Variants in TMEM132D observed in about 807,000 individuals in gnomAD.
TMEM132D encodes the protein mature OL transmembrane protein.
In TMEM132D, 21 loss-of-function variants were observed where a neutral mutation model predicts 62.3. That is an observed-to-expected ratio of 0.34 (90% CI 0.24 to 0.49). TMEM132D has a LOEUF of 0.49. Among genes scored for constraint, TMEM132D ranks in the 20% least tolerant of loss-of-function variants. The pLI is 0.99. For missense variants in TMEM132D, 1,346 were observed against 1,402.8 expected, an observed-to-expected ratio of 0.96 and a Z score of 0.65; for synonymous variants, 621 against 575.6, an observed-to-expected ratio of 1.08 and a Z score of -1.13.
intron 5 of TMEM132D, among the ~76,000 whole-genome samples, chr12:129,177,023 G>T (rs1877926278): frequency 6.6e-6 from 1 of 152,220 alleles, no homozygotes; most frequent in African/African-American, 2.4e-5. Flanking sequence ...TTGGTTTGGT[G>T]CATGGCTTGA....
At chr12:129,183,835 G>A (rs1365585868) in intron 5 of TMEM132D, among the ~76,000 whole-genome samples, 3 of 146,074 alleles carry the variant, frequency 2.1e-5, no homozygotes, top group Non-Finnish European at 4.4e-5. Context: ...TTGGAGCTGG[G>A]TGGTGGCTGT....
intron 3 of TMEM132D, among the ~76,000 whole-genome samples, chr12:129,519,111 C>T (rs114821116): frequency 0.011 from 1,623 of 152,150 alleles, 31 homozygotes; most frequent in African/African-American, 0.038. Flanking sequence ...TTAAGAAATC[C>T]GAGCTCCTTT....
At chr12:129,488,177 T>A (rs1344700206) in intron 3 of TMEM132D, among the ~76,000 whole-genome samples, 2 of 152,040 alleles carry the variant, frequency 1.3e-5, no homozygotes, top group Admixed American at 1.3e-4. Flanking sequence ...AGAAATAAGT[T>A]GCTGTTCTTT....
intron 5 of TMEM132D, among the ~76,000 whole-genome samples, chr12:129,139,380 G>A (rs1876673397): frequency 6.6e-6 from 1 of 152,180 alleles, no homozygotes; most frequent in Non-Finnish European, 1.5e-5. Flanking sequence ...CAGTTGAAAT[G>A]ACGGCCTAAC....
intron 3 of TMEM132D, among the ~76,000 whole-genome samples, chr12:129,373,359 G>A (rs1026032976): frequency 3.3e-5 from 5 of 152,230 alleles, no homozygotes; most frequent in Middle Eastern, 3.4e-3. Flanking sequence ...TAAGCCAGGC[G>A]CGGTGGCTCA....
rs186039958 is a variant in TMEM132D, at chr12:129,872,372, T to G, written c.79+30889A>C. Among the ~76,000 whole-genome samples, 89 of 152,238 alleles carry G rather than the reference T, an allele frequency of 5.8e-4. 1 individual carries two copies. The South Asian group carries it at 0.018, about 31-fold the overall frequency. Reference sequence around the variant, plus strand: ...AGCATCGTGAACGTGAACTTCCCAATGGAACAACTCTCCTGCTCTCCAGAT... The same window carrying G: ...AGCATCGTGAACGTGAACTTCCCAAGGGAACAACTCTCCTGCTCTCCAGAT... On this transcript the variant is annotated intron_variant, in intron 1 of 8. Coordinates refer to ENST00000422113, the MANE Select transcript of TMEM132D (RefSeq NM_133448.3).
chr12:129,861,757 G>GAAAAAA (rs11405892), intron 1 of TMEM132D, among the ~76,000 whole-genome samples: 1 of 132,764 alleles, frequency 7.5e-6, no homozygotes, highest in Admixed American at 7.8e-5. Context: ...CTGTCTCAAA[G>GAAAAAA]AAAAAAAAAA....
intron 3 of TMEM132D, among the ~76,000 whole-genome samples, chr12:129,393,615 A>G (rs976144263): frequency 5.9e-5 from 9 of 152,178 alleles, no homozygotes; most frequent in Non-Finnish European, 7.3e-5. Context: ...ACTTGGCTCA[A>G]TAAGAACCAC....
At chr12:129,350,704 C>T (rs1317335148) in intron 3 of TMEM132D, among the ~76,000 whole-genome samples, 1 of 152,156 alleles carries the variant, frequency 6.6e-6, no homozygotes, top group Non-Finnish European at 1.5e-5. Context: ...TTCCAGTTGC[C>T]CTGGCATATT....
intron 5 of TMEM132D, among the ~76,000 whole-genome samples, chr12:129,108,685 A>C (rs562791956): frequency 1.3e-5 from 2 of 152,258 alleles, no homozygotes; most frequent in Admixed American, 1.3e-4. Context: ...TGCATGCGGT[A>C]TTTCCCAAAC....
chr12:129,360,505 A>T (rs1870210938), intron 3 of TMEM132D, among the ~76,000 whole-genome samples: 1 of 152,166 alleles, frequency 6.6e-6, no homozygotes, highest in Admixed American at 6.5e-5. Flanking sequence ...AAAAGAGACG[A>T]GGGGAGCAGG....
chr12:129,684,308 A>T, intron 2 of TMEM132D, among the ~76,000 whole-genome samples: 1 of 152,086 alleles, frequency 6.6e-6, no homozygotes, highest in East Asian at 1.9e-4. Context: ...GTGAGTTCTC[A>T]TGAGATCTGA....
chr12:129,525,758 C>T (rs4759958), intron 3 of TMEM132D, among the ~76,000 whole-genome samples: 101,755 of 152,022 alleles, frequency 0.67, 34,562 homozygotes, highest in African/African-American at 0.78. Context: ...AAAATGAGAA[C>T]GAAACATCAC....
chr12:129,589,449 G>T (rs554366248), intron 2 of TMEM132D, among the ~76,000 whole-genome samples: 1 of 152,090 alleles, frequency 6.6e-6, no homozygotes, highest in Non-Finnish European at 1.5e-5. Flanking sequence ...TAATACATGG[G>T]GGAAGGGATG....
At chr12:129,075,364 G>T (rs1262188715) in intron 8 of TMEM132D, among the ~76,000 whole-genome samples, 2 of 151,200 alleles carry the variant, frequency 1.3e-5, no homozygotes, top group African/African-American at 2.4e-5. Context: ...AGGAAGATGG[G>T]CCCTTGGGCT....
At chr12:129,639,165 T>C (rs1879577398) in intron 2 of TMEM132D, among the ~76,000 whole-genome samples, 1 of 151,866 alleles carries the variant, frequency 6.6e-6, no homozygotes. Flanking sequence ...GGCGGATCAC[T>C]TGAGGTCAGG....
At chr12:129,363,996 G>C (rs186696906) in intron 3 of TMEM132D, among the ~76,000 whole-genome samples, 1 of 152,184 alleles carries the variant, frequency 6.6e-6, no homozygotes, top group African/African-American at 2.4e-5. Flanking sequence ...AGAATGAACT[G>C]CATCTTCTTT....
At chr12:129,305,296 T>TGTAA (rs35093432) in intron 4 of TMEM132D, among the ~76,000 whole-genome samples, 90,602 of 151,570 alleles carry the variant, frequency 0.6, 27,286 homozygotes, top group Middle Eastern at 0.62. Flanking sequence ...AGAATATTGC[T>TGTAA]GTATTACTGG....
chr12:129,747,215 T>TCTCCCTCCTCCCGCTCCTTCTC (rs1555229164), intron 1 of TMEM132D, among the ~76,000 whole-genome samples: 39 of 26,066 alleles, frequency 1.5e-3, no homozygotes, highest in Admixed American at 2.5e-3. Flanking sequence ...TACTCCTCCT[T>TCTCCCTCCTCCCGCTCCTTCTC]CCAGCCACCC....
Sources: gnomAD v4.1 joint callset for allele counts (sites outside exome capture counted in the v4.1 genomes callset) on GRCh38, gnomAD v4.1.1 for gene constraint, MANE v1.5 for transcripts, NCBI Gene and HGNC (gene_info 2026-07-23, HGNC 2026-07-21) for gene names.